The following KIF3C variants were observed in gnomAD, a reference collection of about 807,000 sequenced individuals.
The protein encoded by KIF3C is kinesin-like protein KIF3C.
A neutral mutation model predicts 67.7 loss-of-function variants in KIF3C; 12 were observed. The observed-to-expected ratio is 0.18, with a 90% CI of 0.11 to 0.29. The LOEUF is 0.29. Ranked by LOEUF, KIF3C falls within the 10% of genes least tolerant of loss-of-function variation. The pLI, the probability that KIF3C is intolerant of heterozygous loss-of-function variation, is 1.00. For synonymous variants in KIF3C, 393 were observed against 426.2 expected (o/e 0.92, Z 0.96); for missense variants, 789 against 1,059.6 (o/e 0.74, Z 3.55).
At chr2:25,969,212 T>C (rs1034165376) in intron 1 of KIF3C, among the ~76,000 whole-genome samples, 1 of 152,188 alleles carries the variant, frequency 6.6e-6, no homozygotes, top group Admixed American at 6.5e-5. Flanking sequence ...TGAGTATAAT[T>C]GAGCATTATT....
chr2:25,928,762 C>T lies in KIF3C; in HGVS notation c.*216G>A. On this transcript the variant is annotated 3_prime_UTR_variant, in exon 8 of 8. Coordinates refer to ENST00000264712, the MANE Select transcript of KIF3C (RefSeq NM_002254.8). ...CAGACGGCTCAGGCGAGGGCATCTCCCCAACACGAACAGAGCTCCGCGAAT... is the reference window on the plus strand; with the variant it reads ...CAGACGGCTCAGGCGAGGGCATCTCTCCAACACGAACAGAGCTCCGCGAAT... The T allele has an allele frequency of 3.9e-6, 2 of 516,280 alleles. No homozygotes were observed. Among genetic ancestry groups the T allele is most frequent in the Admixed American group, 3.4e-5 (1 of 29,536 alleles). 32.0% of individuals were successfully genotyped at this position (516,280 alleles called of 1,614,324 possible).
chr2:25,962,252 G>T (rs1230554127), intron 1 of KIF3C, among the ~76,000 whole-genome samples: 3 of 152,138 alleles, frequency 2.0e-5, no homozygotes, highest in Non-Finnish European at 4.4e-5. Context: ...ACCCTTTATT[G>T]TCTTTCTCTC....
At position 25,926,599 on chromosome 2, in the gene KIF3C, C is replaced by T. The variant is rs2090409844; in HGVS notation, c.*2379G>A. 1 of 152,200 alleles carries T rather than the reference C, an allele frequency of 6.6e-6. No homozygotes were observed. The highest frequency in any genetic ancestry group is 6.6e-5 in the Admixed American group (1 of 15,260). The allele number at this position is 152,200 out of a possible 1,614,324, so 9.4% of individuals were successfully genotyped here. On this transcript the variant is annotated 3_prime_UTR_variant, in exon 8 of 8. Transcript: ENST00000264712. ...GGGAAGAGAAGTAAGGCAGTCAACTCCGTGACGATACTCATTCCTTTATTG... is the reference window on the plus strand; with the variant it reads ...GGGAAGAGAAGTAAGGCAGTCAACTTCGTGACGATACTCATTCCTTTATTG...
intron 1 of KIF3C, among the ~76,000 whole-genome samples, chr2:25,973,920 C>T (rs561683620): frequency 5.2e-4 from 79 of 152,232 alleles, no homozygotes; most frequent in African/African-American, 1.7e-3. Flanking sequence ...GCCTTGAATG[C>T]CAAACTAAAA....
chr2:25,940,861 C>T (rs1257476246), intron 5 of KIF3C, among the ~76,000 whole-genome samples: 2 of 151,778 alleles, frequency 1.3e-5, no homozygotes, highest in African/African-American at 2.4e-5. Flanking sequence ...CCATGTTGGC[C>T]AGGCTGGCCT....
Position 25,962,677 on chromosome 2 carries a change from CT to C in KIF3C, c.1546-6234del, listed in dbSNP as rs773955370. ...CAGGCATGAGCCACTGTGCCTGGCC[CT>C]TTTTTCACCTCTATGGACATAGTAT... On this transcript the variant is annotated intron_variant, in intron 1 of 7. Transcript: ENST00000264712. Among the ~76,000 whole-genome samples, 9 of 141,166 alleles carry C rather than the reference CT, an allele frequency of 6.4e-5. No individual in the cohort carries two copies. The East Asian group carries it at 9.9e-4, about 16-fold the overall frequency. The allele number at this position is 141,166 out of a possible 152,430, so 92.6% of individuals were successfully genotyped here.
intron 4 of KIF3C, among the ~76,000 whole-genome samples, chr2:25,953,527 A>AT (rs905808945): frequency 9.3e-5 from 14 of 150,714 alleles, no homozygotes; most frequent in African/African-American, 3.2e-4. Context: ...CTCTCGGCTA[A>AT]TTTTTTATAT....
chr2:25,971,096 C>G (rs1220582768), intron 1 of KIF3C, among the ~76,000 whole-genome samples: 3 of 151,550 alleles, frequency 2.0e-5, no homozygotes, highest in East Asian at 1.9e-4. Context: ...CATGGTGAAA[C>G]CCCGTCTTTA....
At chr2:25,929,237 A>G (rs1048717088) in intron 7 of KIF3C, 68 bp downstream of exon 7, 1 of 1,551,358 alleles carries the variant, frequency 6.4e-7, no homozygotes, top group Non-Finnish European at 8.9e-7. Flanking sequence ...CCTCTTTAGC[A>G]TCACCCAGCG....
chr2:25,962,894 A>AAAAT (rs1664005282), intron 1 of KIF3C, among the ~76,000 whole-genome samples: 1 of 66,288 alleles, frequency 1.5e-5, no homozygotes, highest in African/African-American at 7.1e-5. Context: ...TATATAATAT[A>AAAAT]AAATATATAT....
intron 1 of KIF3C, among the ~76,000 whole-genome samples, chr2:25,959,381 A>G (rs1479991632): frequency 6.6e-6 from 1 of 152,174 alleles, no homozygotes; most frequent in Non-Finnish European, 1.5e-5. Context: ...GACTTAGCTC[A>G]GTGCTTGGCA....
intron 1 of KIF3C, among the ~76,000 whole-genome samples, chr2:25,971,981 C>T (rs976405347): frequency 1.3e-5 from 2 of 150,200 alleles, no homozygotes; most frequent in Non-Finnish European, 3.0e-5. Flanking sequence ...CCTACCTCAC[C>T]CTCCCAATAT....
At chr2:25,963,364 G>A (rs968065806) in intron 1 of KIF3C, among the ~76,000 whole-genome samples, 1 of 147,782 alleles carries the variant, frequency 6.8e-6, no homozygotes, top group East Asian at 2.0e-4. Context: ...CCACCACCAC[G>A]CCTGGCTAAT....
intron 5 of KIF3C, among the ~76,000 whole-genome samples, chr2:25,930,429 G>T (rs1464908365): frequency 6.6e-6 from 1 of 152,148 alleles, no homozygotes; most frequent in Admixed American, 6.5e-5. Flanking sequence ...CACAATCTCA[G>T]CTCGCTGCAG....
chr2:25,948,121 G>C (rs1192030835), intron 5 of KIF3C, among the ~76,000 whole-genome samples: 1 of 152,174 alleles, frequency 6.6e-6, no homozygotes, highest in Non-Finnish European at 1.5e-5. Flanking sequence ...TACTTGGGAG[G>C]CTGAGTGGGA....
At chr2:25,972,180 A>C (rs1443715144) in intron 1 of KIF3C, among the ~76,000 whole-genome samples, 1 of 151,982 alleles carries the variant, frequency 6.6e-6, no homozygotes, top group Non-Finnish European at 1.5e-5. Context: ...CACAATGAGA[A>C]TATTGTCAAA....
rs988840321 is a variant in KIF3C at position 25,980,164 on chromosome 2, C to T, written c.1545+209G>A. Reference sequence around the variant, plus strand: ...GAGAGACCGCCTGTCCACGTTGCTTCGTGTGTGTGTGCCTGTGCATGTACC... The same window carrying T: ...GAGAGACCGCCTGTCCACGTTGCTTTGTGTGTGTGTGCCTGTGCATGTACC... On this transcript the variant is annotated intron_variant, in intron 1 of 7. Transcript: ENST00000264712. This position sits in a 1 kb window ranked among gnomAD's most constrained non-coding sequence, Gnocchi z 7.6. Among the ~76,000 whole-genome samples the T allele has an allele frequency of 1.3e-5, 2 of 152,118 alleles. No individual in the cohort carries two copies. Among genetic ancestry groups the T allele is most frequent in the Admixed American group, 6.6e-5 (1 of 15,258 alleles).
chr2:25,929,465 TTA>T lies in KIF3C; in HGVS notation c.2126_2127del (p.Ile709AsnfsTer14). 1 of 1,613,884 alleles carries T rather than the reference TTA, an allele frequency of 6.2e-7. No individual in the cohort carries two copies. Among genetic ancestry groups the T allele is most frequent in the African/African-American group, 1.3e-5 (1 of 75,010 alleles). On this transcript the variant is annotated frameshift_variant, in exon 7 of 8. Coordinates refer to ENST00000264712, the MANE Select transcript of KIF3C (RefSeq NM_002254.8). LOFTEE classifies it high-confidence loss of function. Reference sequence around the variant, plus strand: ...GGGGACACATCCAACTCCAGAAACATTATGTTTTCAGCCTGTGGTGGGAATAT... The same window carrying T: ...GGGGACACATCCAACTCCAGAAACATTGTTTTCAGCCTGTGGTGGGAATAT... Reference protein sequence around the residue: ...GSHPRYRAENIMFLELDVSPP... With the variant: ...GSHPRYRAENXMFLELDVSPP...
intron 1 of KIF3C, among the ~76,000 whole-genome samples, chr2:25,963,270 C>G (rs11895369): frequency 0.44 from 55,884 of 128,212 alleles, 14,825 homozygotes; most frequent in East Asian, 0.88. Context: ...CAGTGGTGCA[C>G]TCTCAGCTCA....
Sources: gnomAD v4.1 joint callset for allele counts (sites outside exome capture counted in the v4.1 genomes callset) on GRCh38, gnomAD v4.1.1 for gene constraint, Gnocchi (gnomAD v3.1) non-coding constraint, MANE v1.5 for transcripts, NCBI Gene and HGNC (gene_info 2026-07-23, HGNC 2026-07-21) for gene names.